The following CCNF variants were observed in gnomAD, a reference collection of about 807,000 sequenced individuals.
CCNF encodes cyclin-F.
A neutral mutation model predicts 85.4 loss-of-function variants in CCNF; 30 were observed. The ratio of observed to expected loss-of-function variants is 0.35; its 90% CI spans 0.26 to 0.48. The LOEUF (loss-of-function observed/expected upper bound fraction) is 0.48, where lower values mean the gene tolerates loss of function less well. CCNF is among the 20% of genes least tolerant of loss of function. CCNF has a pLI of 0.99. For synonymous variants in CCNF, 439 were observed against 425.1 expected (o/e 1.03, Z -0.40); for missense variants, 919 against 1,010.4 (o/e 0.91, Z 1.23).
At chr16:2,448,773 C>A in intron 10 of CCNF, 82 bp from the exon 11 acceptor site, 1 of 1,277,300 alleles carries the variant, frequency 7.8e-7, no homozygotes, top group Non-Finnish European at 1.1e-6. Context: ...TACCTTGAGG[C>A]CTCCTAAAGC....
In CCNF at chr16:2,452,382, G is replaced by A. The variant is rs144092255; in HGVS notation, c.1488-828G>A. 3.2e-4 allele frequency among the ~76,000 whole-genome samples: 48 copies of A among 152,292 alleles called. No homozygotes were observed. The highest frequency in any genetic ancestry group is 8.9e-4 in the African/African-American group (37 of 41,554). On this transcript the variant is annotated intron_variant, in intron 13 of 16. Transcript: ENST00000397066. This position sits in a 1 kb window ranked among gnomAD's most constrained non-coding sequence, Gnocchi z 4.1. Reference sequence around the variant, plus strand: ...CCGGACCCTGTGCCTTCTGGGCAAGGAACGAGGCTGACAGTAGAAGGGTTC... The same window carrying A: ...CCGGACCCTGTGCCTTCTGGGCAAGAAACGAGGCTGACAGTAGAAGGGTTC...
chr16:2,456,429 G>T lies in CCNF; in HGVS notation c.1886-116G>T. ...TTCTCACCACAGGAGGGTAACACAG[G>T]GGACCGTAGCAAGGTAGAAGATTCT... is the stretch of plus-strand genomic sequence containing the variant. On this transcript the variant is annotated intron_variant, in intron 16 of 16. Transcript: ENST00000397066. This position sits in a 1 kb window ranked among gnomAD's most constrained non-coding sequence, Gnocchi z 4.5. 1 of 666,006 alleles carries T rather than the reference G, an allele frequency of 1.5e-6. No individual in the cohort carries two copies. The highest frequency in any genetic ancestry group is 2.4e-6 in the Non-Finnish European group (1 of 415,114). 41.3% of individuals were successfully genotyped at this position (666,006 alleles called of 1,614,324 possible).
Position 2,437,129 on chromosome 16 carries a change from T to C in CCNF, c.347T>C (p.Leu116Pro), listed in dbSNP as rs2065295219. ...LGIAYLYNEG[L>P]SVSDEARAEV... is the part of the protein sequence containing the mutation. Reference sequence around the variant, plus strand: ...GGCTCTGTCCTGTCTGTCCCCGCAGTGTCTGTGTCTGATGAGGCCCGCGCA... The same window carrying C: ...GGCTCTGTCCTGTCTGTCCCCGCAGCGTCTGTGTCTGATGAGGCCCGCGCA... The change falls in exon 5 of 17, where the codon CTG becomes CCG. Residue 116 changes from leucine (L) to proline (P), a missense_variant and splice_region_variant. Physicochemically the swap from Leu to Pro is moderately conservative, Grantham distance 98. Coordinates refer to ENST00000397066, the MANE Select transcript of CCNF (RefSeq NM_001761.3). 5 of 1,582,562 alleles carry C rather than the reference T, an allele frequency of 3.2e-6. No homozygotes were observed. Among genetic ancestry groups the C allele is most frequent in the Admixed American group, 1.7e-5 (1 of 58,584 alleles).
chr16:2,441,947 ATAT>A (rs2065323792), intron 8 of CCNF, among the ~76,000 whole-genome samples: 2 of 54,434 alleles, frequency 3.7e-5, no homozygotes, highest in Non-Finnish European at 5.0e-5. Flanking sequence ...TTATATATAT[ATAT>A]ATATATATAT....
chr16:2,450,677 G>T (rs756897881), intron 13 of CCNF, among the ~76,000 whole-genome samples: 31 of 152,316 alleles, frequency 2.0e-4, no homozygotes, highest in Non-Finnish European at 4.1e-4. Context: ...TTGTCATCTA[G>T]CTCAGGCACT....
chr16:2,439,580 C>A, intron 7 of CCNF, 123 bp downstream of exon 7: 1 of 890,612 alleles, frequency 1.1e-6, no homozygotes, highest in Non-Finnish European at 1.8e-6. Context: ...GGTCTCTCAG[C>A]CTCCGGGAAC....
intron 9 of CCNF, among the ~76,000 whole-genome samples, chr16:2,444,480 T>A (rs1485272838): frequency 6.7e-6 from 1 of 150,012 alleles, no homozygotes; most frequent in Non-Finnish European, 1.5e-5. Flanking sequence ...TTTTGTATTT[T>A]TAGTAGAGAT....
At position 2,449,354 on chromosome 16, in the gene CCNF, T is replaced by C; in HGVS notation, c.1291T>C (p.Cys431Arg). 1 of 1,613,728 alleles carries C rather than the reference T, an allele frequency of 6.2e-7. No homozygotes were observed. Among genetic ancestry groups the C allele is most frequent in the Non-Finnish European group, 8.5e-7 (1 of 1,179,966 alleles). ...TGTGGAGCTGAGAACCCAGCACCTG[T>C]GCAGCTTCCTCTGCGAGCTCTCCCT... Reference protein sequence around the residue: ...VPVELRTQHLCSFLCELSLLH... With the variant: ...VPVELRTQHLRSFLCELSLLH... Residue 431 changes from cysteine to arginine, a missense_variant, in exon 12 of 17, where the codon TGC becomes CGC. Physicochemically the swap from Cys to Arg is radical, Grantham distance 180. This residue lies in a region of CCNF where 505 missense variants were observed against 514.8 expected (regional missense o/e 0.98). Coordinates refer to ENST00000397066, the MANE Select transcript of CCNF (RefSeq NM_001761.3).
intron 13 of CCNF, among the ~76,000 whole-genome samples, chr16:2,450,561 T>C (rs1021801605): frequency 5.3e-5 from 8 of 151,586 alleles, no homozygotes; most frequent in South Asian, 4.2e-4. Context: ...ATTTTTCACA[T>C]TGAGAGCAGC....
intron 9 of CCNF, among the ~76,000 whole-genome samples, chr16:2,444,151 C>T (rs987237076): frequency 6.6e-6 from 1 of 152,040 alleles, no homozygotes; most frequent in South Asian, 2.1e-4. Context: ...AATCTCCTGA[C>T]CTCGTGATCC....
At chr16:2,444,454 C>G (rs755228491) in intron 9 of CCNF, among the ~76,000 whole-genome samples, 11 of 151,236 alleles carry the variant, frequency 7.3e-5, no homozygotes, top group Non-Finnish European at 1.5e-4. Flanking sequence ...TGCCTGCCAC[C>G]ACGCCCAGCT....
intron 15 of CCNF, among the ~76,000 whole-genome samples, chr16:2,454,405 C>A (rs2065412957): frequency 6.6e-6 from 1 of 152,216 alleles, no homozygotes; most frequent in African/African-American, 2.4e-5. Flanking sequence ...AAAGTCCATG[C>A]AGATACGCAC....
chr16:2,438,048 C>A, intron 5 of CCNF, 22 bp from the exon 6 acceptor site: 1 of 1,588,910 alleles, frequency 6.3e-7, no homozygotes, highest in Non-Finnish European at 8.6e-7. Flanking sequence ...GGAAATCACA[C>A]TTCTTTCTCC....
intron 1 of CCNF, 147 bp downstream of exon 1, chr16:2,429,644 C>T: frequency 1.1e-6 from 1 of 879,380 alleles, no homozygotes. Flanking sequence ...GATGTCGCGT[C>T]CCGCGCAGGG....
rs1567387691 is a variant in CCNF, at chr16:2,445,604, G to A, written c.1076G>A (p.Cys359Tyr). ...RYRLQLLGIA[C>Y]MVICTRFISK... ...AGGCTCCAGCTGCTGGGCATCGCCT[G>A]CATGGTCATCTGCACCCGGTGAGAA... is the stretch of plus-strand genomic sequence containing the variant. Residue 359 changes from cysteine to tyrosine, a missense_variant, in exon 10 of 17, where the codon TGC becomes TAC. Cys to Tyr is a radical substitution (Grantham distance 194). This residue lies in a region of CCNF where 410 missense variants were observed against 478.6 expected (regional missense o/e 0.86). Coordinates refer to ENST00000397066, the MANE Select transcript of CCNF (RefSeq NM_001761.3). 6.2e-7 allele frequency: 1 copy of A among 1,612,526 alleles called. No individual in the cohort carries two copies.
At position 2,439,570 on chromosome 16, in the gene CCNF, G is replaced by T. The variant is rs371643212; in HGVS notation, c.699+113G>T. The T allele has an allele frequency of 6.5e-6, 6 of 929,190 alleles. No homozygotes were observed. The African/African-American group carries it at 6.5e-5, about 10-fold the overall frequency. 57.6% of individuals were successfully genotyped at this position (929,190 alleles called of 1,614,324 possible). Reference sequence around the variant, plus strand: ...AAGGGAGGTGGCTCTTGCTGCTCCCGGTCTCTCAGCCTCCGGGAACCACTG... The same window carrying T: ...AAGGGAGGTGGCTCTTGCTGCTCCCTGTCTCTCAGCCTCCGGGAACCACTG... On this transcript the variant is annotated intron_variant, in intron 7 of 16. Coordinates refer to ENST00000397066, the MANE Select transcript of CCNF (RefSeq NM_001761.3).
Position 2,443,729 on chromosome 16 carries a change from A to G in CCNF, c.858A>G (p.Leu286=). The change falls in exon 9 of 17, where the codon CTA becomes CTG. Residue 286 remains leucine (L), a synonymous_variant. Transcript: ENST00000397066. The stretch of plus-strand genomic sequence containing the variant: ...CTTCCAGTGAGATCGTCTGCCAGCT[A>G]TTTCAGGCTTCCCAGGCTGTCAGTA... ...VRASSEIVCQ[L]FQASQAVSKQ... is the part of the protein sequence containing the mutation. 6.2e-7 allele frequency: 1 copy of G among 1,614,112 alleles called. No individual in the cohort carries two copies. The highest frequency in any genetic ancestry group is 1.3e-5 in the African/African-American group (1 of 75,028).
chr16:2,455,057 CAAAAAAAAAAAA>C (rs113432361), intron 15 of CCNF, among the ~76,000 whole-genome samples: 3 of 47,248 alleles, frequency 6.3e-5, no homozygotes, highest in African/African-American at 2.4e-4. Flanking sequence ...AAGAACACCT[CAAAAAAAAAAAA>C]AAAAAAAAAA....
At chr16:2,438,483 A>C (rs980461618) in intron 6 of CCNF, among the ~76,000 whole-genome samples, 4 of 152,104 alleles carry the variant, frequency 2.6e-5, no homozygotes, top group Non-Finnish European at 5.9e-5. Flanking sequence ...TTACTAAAAA[A>C]CACAAAAATT....
Sources: gnomAD v4.1 joint callset for allele counts (sites outside exome capture counted in the v4.1 genomes callset) on GRCh38, gnomAD v4.1.1 for gene constraint, gnomAD v4.1.1 regional missense constraint, Gnocchi (gnomAD v3.1) non-coding constraint, MANE v1.5 for transcripts, NCBI Gene and HGNC (gene_info 2026-07-23, HGNC 2026-07-21) for gene names.